The following VPS13B variants were observed in gnomAD, a reference collection of about 807,000 sequenced individuals.
VPS13B encodes intermembrane lipid transfer protein VPS13B.
VPS13B carries 285 observed loss-of-function variants against 426.4 expected under a neutral mutation model. That is an observed-to-expected ratio of 0.67 (90% CI 0.61 to 0.74). VPS13B has a LOEUF of 0.74. Ranked by LOEUF, VPS13B falls within the 30% of genes least tolerant of loss-of-function variation. The pLI, the probability that VPS13B is intolerant of heterozygous loss-of-function variation, is 0.00. For missense variants in VPS13B, 4,537 were observed against 4,782.6 expected (o/e 0.95, Z 1.51); for synonymous variants, 1,676 against 1,676.4 (o/e 1.00, Z 0.01).
intron 19 of VPS13B, among the ~76,000 whole-genome samples, chr8:99,309,299 G>T (rs1442238454): frequency 2.0e-5 from 3 of 152,134 alleles, no homozygotes; most frequent in Non-Finnish European, 1.5e-5. Flanking sequence ...TTCTTCTAGG[G>T]TTTTTATGGT....
At chr8:99,658,744 G>A (rs922692532) in intron 34 of VPS13B, among the ~76,000 whole-genome samples, 2 of 152,078 alleles carry the variant, frequency 1.3e-5, no homozygotes, top group African/African-American at 4.8e-5. Flanking sequence ...TAATGAGAGT[G>A]GACCTCTCAT....
In VPS13B at chr8:99,817,603, G is replaced by A. The variant is rs748674763; in HGVS notation, c.8161G>A (p.Val2721Ile). Residue 2721 changes from valine (V) to isoleucine (I), a missense_variant, in exon 45 of 62, where the codon GTT becomes ATT. This residue lies in a region of VPS13B where 4,311 missense variants were observed against 4,474.3 expected (regional missense o/e 0.96). Coordinates refer to ENST00000357162, the MANE Select transcript of VPS13B (RefSeq NM_152564.5). ...YLSQSIELKV[V>I]QHYIGQDGQA... is the part of the protein sequence containing the mutation. The stretch of plus-strand genomic sequence containing the variant: ...GTCTCAAAGCATAGAACTAAAAGTC[G>A]TTCAGCATTACATTGGTCAAGATGG... 3.1e-6 allele frequency: 5 copies of A among 1,613,894 alleles called. No individual in the cohort carries two copies. In the African/African-American group the frequency reaches 4.0e-5, roughly 13 times the overall value.
chr8:99,536,950 A>G (rs1823277431), intron 30 of VPS13B: 3 of 393,406 alleles, frequency 7.6e-6, no homozygotes, highest in South Asian at 1.9e-5. Flanking sequence ...CGATGATAGA[A>G]CTTATATTAA....
chr8:99,661,474 A>C lies in VPS13B; in HGVS notation c.6029A>C (p.Asp2010Ala), dbSNP rs1220932695. 1.2e-6 allele frequency: 2 copies of C among 1,613,278 alleles called. No homozygotes were observed. Among genetic ancestry groups the C allele is most frequent in the Admixed American group, 1.7e-5 (1 of 59,938 alleles). Residue 2010 changes from aspartate (D) to alanine (A), a missense_variant, in exon 35 of 62, where the codon GAC becomes GCC. Around this residue, in one of 2 missense-constraint regions of VPS13B, gnomAD observed 4,311 missense variants for 4,474.3 expected, o/e 0.96. Transcript: ENST00000357162. ...PPSFITLQIK[D>A]FLNGPADVNL... The stretch of plus-strand genomic sequence containing the variant: ...TCCTTTATAACACTACAGATTAAAG[A>C]CTTTCTGAATGGACCAGGTAAGAAA...
chr8:99,312,830 C>G (rs1821084255), intron 19 of VPS13B, among the ~76,000 whole-genome samples: 1 of 152,196 alleles, frequency 6.6e-6, no homozygotes, highest in South Asian at 2.1e-4. Context: ...TTGGTCTTTT[C>G]ACATAGTCCC....
At chr8:99,268,219 C>T (rs1051525608) in intron 17 of VPS13B, among the ~76,000 whole-genome samples, 1 of 152,188 alleles carries the variant, frequency 6.6e-6, no homozygotes, top group Non-Finnish European at 1.5e-5. Flanking sequence ...TCTGTTAGGG[C>T]AGTGTGGAAG....
At chr8:99,274,418 A>G (rs1818787629) in intron 18 of VPS13B, 86 bp downstream of exon 18, 1 of 1,594,270 alleles carries the variant, frequency 6.3e-7, no homozygotes, top group Non-Finnish European at 8.6e-7. Flanking sequence ...CTGAAACAAG[A>G]ATTTACTCAC....
chr8:99,020,865 C>G (rs573486575), intron 2 of VPS13B, among the ~76,000 whole-genome samples: 11 of 152,302 alleles, frequency 7.2e-5, no homozygotes, highest in African/African-American at 2.6e-4. Context: ...GTTTCAGAAT[C>G]AGGAAGTGTG....
intron 17 of VPS13B, among the ~76,000 whole-genome samples, chr8:99,270,983 C>A (rs1349654744): frequency 6.6e-6 from 1 of 152,026 alleles, no homozygotes; most frequent in Non-Finnish European, 1.5e-5. Context: ...TGGGCCTTTG[C>A]AAAATCCTTA....
chr8:99,798,373 T>A (rs563937241), intron 43 of VPS13B, among the ~76,000 whole-genome samples: 1 of 152,276 alleles, frequency 6.6e-6, no homozygotes, highest in South Asian at 2.1e-4. Flanking sequence ...CAGAGCATAT[T>A]TGGATTTTTT....
intron 19 of VPS13B, among the ~76,000 whole-genome samples, chr8:99,286,333 A>G (rs1819441479): frequency 1.3e-5 from 2 of 152,214 alleles, no homozygotes; most frequent in Non-Finnish European, 1.5e-5. Context: ...TAATTTTTAA[A>G]TGTAAAATCA....
intron 52 of VPS13B, 38 bp from the exon 53 acceptor site, chr8:99,835,158 TC>T (rs1563499329): frequency 6.2e-7 from 1 of 1,613,572 alleles, no homozygotes; most frequent in Non-Finnish European, 8.5e-7. Context: ...TCATTTTTTT[TC>T]CTAAACATTT....
intron 21 of VPS13B, among the ~76,000 whole-genome samples, chr8:99,414,644 C>G (rs976448846): frequency 2.7e-4 from 41 of 152,114 alleles, no homozygotes; most frequent in African/African-American, 9.7e-4. Context: ...CATTTCCTTT[C>G]TGTAAAGGAT....
At chr8:99,419,427 G>T (rs1168032447) in intron 21 of VPS13B, among the ~76,000 whole-genome samples, 1 of 147,012 alleles carries the variant, frequency 6.8e-6, no homozygotes, top group Non-Finnish European at 1.5e-5. Context: ...TCCCTTATGG[G>T]TTATTTTTCA....
intron 3 of VPS13B, among the ~76,000 whole-genome samples, chr8:99,060,810 A>T (rs537766986): frequency 6.6e-6 from 1 of 152,122 alleles, no homozygotes; most frequent in East Asian, 1.9e-4. Flanking sequence ...TTGTTTCACA[A>T]TTGGGAAGAT....
intron 16 of VPS13B, among the ~76,000 whole-genome samples, chr8:99,191,284 T>C: frequency 6.6e-6 from 1 of 151,890 alleles, no homozygotes. Context: ...GCTGAATTTC[T>C]TGGATATTTG....
chr8:99,835,757 C>A lies in VPS13B; in HGVS notation c.9942+19C>A. 1 of 1,613,522 alleles carries A rather than the reference C, an allele frequency of 6.2e-7. No homozygotes were observed. The highest frequency in any genetic ancestry group is 1.1e-5 in the South Asian group (1 of 90,964). ...AACACAGGTCAGTGAGCCATGTGTT[C>A]CTGCCAAGACCCAAAGAAAAATGCC... On this transcript the variant is annotated intron_variant, in intron 54 of 61. Coordinates refer to ENST00000357162, the MANE Select transcript of VPS13B (RefSeq NM_152564.5).
chr8:99,762,693 G>T (rs1379663650), intron 39 of VPS13B, among the ~76,000 whole-genome samples: 1 of 152,186 alleles, frequency 6.6e-6, no homozygotes, highest in Non-Finnish European at 1.5e-5. Flanking sequence ...CTTTGAGCAT[G>T]AGAGGGGTAA....
intron 19 of VPS13B, among the ~76,000 whole-genome samples, chr8:99,300,186 A>G (rs1309187046): frequency 6.6e-6 from 1 of 152,180 alleles, no homozygotes; most frequent in African/African-American, 2.4e-5. Context: ...GGGTGAGCAC[A>G]ACATTTTGAG....
Sources: allele counts gnomAD v4.1 joint callset (sites outside exome capture counted in the v4.1 genomes callset), GRCh38; gene constraint gnomAD v4.1.1; regional missense constraint gnomAD v4.1.1; transcripts MANE v1.5; gene names NCBI Gene and HGNC (gene_info 2026-07-23, HGNC 2026-07-21).